LONP2: variants seen among roughly 807,000 people sequenced by gnomAD.
The protein encoded by LONP2 is lon peptidase 2, peroxisomal.
A neutral mutation model predicts 85.6 loss-of-function variants in LONP2; 60 were observed. The observed-to-expected ratio is 0.70, with a 90% confidence interval of 0.57 to 0.87. LONP2 has a LOEUF of 0.87. Among genes scored for constraint, LONP2 ranks in the 40% least tolerant of loss-of-function variants. The pLI, the probability that LONP2 is intolerant of heterozygous loss-of-function variation, is 0.00. For synonymous variants in LONP2, 395 were observed against 389.7 expected (o/e 1.01, Z -0.16); for missense variants, 860 against 1,063.5 (o/e 0.81, Z 2.66).
At chr16:48,251,980 C>T (rs754108508) in intron 1 of LONP2, 151 bp from the exon 2 acceptor site, 1 of 509,698 alleles carries the variant, frequency 2.0e-6, no homozygotes, top group Non-Finnish European at 3.3e-6. Context: ...AGGCCACATA[C>T]TGGATGCTAA....
At chr16:48,295,296 C>T (rs755906138) in intron 8 of LONP2, among the ~76,000 whole-genome samples, 2 of 152,052 alleles carry the variant, frequency 1.3e-5, no homozygotes, top group Admixed American at 1.3e-4. Flanking sequence ...CGCTGGAACC[C>T]GGGAGGCGGA....
chr16:48,335,678 T>C (rs1959624852), intron 12 of LONP2, among the ~76,000 whole-genome samples: 1 of 152,206 alleles, frequency 6.6e-6, no homozygotes, highest in Admixed American at 6.5e-5. Context: ...CCAGTAGATA[T>C]GGTTTTCCTC....
intron 7 of LONP2, among the ~76,000 whole-genome samples, chr16:48,272,951 A>G (rs1315346153): frequency 6.6e-6 from 1 of 152,130 alleles, no homozygotes; most frequent in Non-Finnish European, 1.5e-5. Context: ...GGAGGAGGAG[A>G]GAAAGAACAA....
rs1567337359 is a variant in LONP2 at position 48,314,757 on chromosome 16, T to C, written c.1795+11452T>C. ...TTTAGATATCTTCCTAGGTATTTGA[T>C]CTTTATGTGTATATTATTGTAAATA... On this transcript the variant is annotated intron_variant, in intron 11 of 14. Transcript: ENST00000285737. Among the ~76,000 whole-genome samples the C allele has an allele frequency of 2.0e-5, 3 of 152,360 alleles. No individual in the cohort carries two copies. In the South Asian group the frequency reaches 6.2e-4, roughly 32 times the overall value.
intron 11 of LONP2, among the ~76,000 whole-genome samples, chr16:48,311,994 G>T (rs569796231): frequency 6.6e-6 from 1 of 151,790 alleles, no homozygotes; most frequent in Admixed American, 6.6e-5. Context: ...AGGCTAGAGT[G>T]CAGTGGCACG....
rs934053784 is a variant in LONP2 at position 48,353,880 on chromosome 16, C to G, written c.*2078C>G. 6.6e-6 allele frequency: 1 copy of G among 152,166 alleles called. No homozygotes were observed. The highest frequency in any genetic ancestry group is 1.9e-4 in the East Asian group (1 of 5,168). The allele number at this position is 152,166 out of a possible 1,614,324, so 9.4% of individuals were successfully genotyped here. On this transcript the variant is annotated 3_prime_UTR_variant, in exon 15 of 15. Transcript: ENST00000285737. ...CTTGCACTTTGTAGCAGCAGGAGGG[C>G]ACTTGCTTTAAGCATATCTTTCGAA...
At chr16:48,332,895 G>A (rs1325594798) in intron 11 of LONP2, among the ~76,000 whole-genome samples, 2 of 150,170 alleles carry the variant, frequency 1.3e-5, no homozygotes, top group Non-Finnish European at 3.0e-5. Flanking sequence ...GTGACAGAGC[G>A]AGACTCTGTC....
At chr16:48,279,109 G>A (rs986737435) in intron 8 of LONP2, among the ~76,000 whole-genome samples, 15 of 151,982 alleles carry the variant, frequency 9.9e-5, no homozygotes, top group African/African-American at 3.6e-4. Flanking sequence ...TTACTTCTCT[G>A]ACCACTTGGT....
chr16:48,362,373 G>T lies in LONP2; in HGVS notation c.*510G>T. 2 of 1,614,198 alleles carry T rather than the reference G, an allele frequency of 1.2e-6. No homozygotes were observed. The highest frequency in any genetic ancestry group is 1.7e-6 in the Non-Finnish European group (2 of 1,180,032). On this transcript the variant is annotated 3_prime_UTR_variant, in exon 5 of 5. Transcript: ENST00000565867. This position sits in a 1 kb window ranked among gnomAD's most constrained non-coding sequence, Gnocchi z 4.2. ...GCCAGTCAGGGCAGGCACCCTCTGG[G>T]ATGGTGGACACTTCGAGGTACCGGT...
At chr16:48,316,542 G>T (rs1352089200) in intron 11 of LONP2, among the ~76,000 whole-genome samples, 2 of 151,186 alleles carry the variant, frequency 1.3e-5, no homozygotes. Flanking sequence ...GGCCAGGCTG[G>T]TCTTGAACTC....
intron 1 of LONP2, among the ~76,000 whole-genome samples, chr16:48,246,050 G>A (rs1232285368): frequency 6.6e-6 from 1 of 152,062 alleles, no homozygotes; most frequent in Admixed American, 6.6e-5. Flanking sequence ...TTGTGACTAT[G>A]TACATTTTTT....
At chr16:48,294,013 G>A (rs746389529) in intron 8 of LONP2, among the ~76,000 whole-genome samples, 3 of 152,124 alleles carry the variant, frequency 2.0e-5, no homozygotes, top group South Asian at 2.1e-4. Context: ...CTCAGCCCAC[G>A]GCAACTTCTG....
At chr16:48,311,377 T>G (rs2151007812) in intron 11 of LONP2, among the ~76,000 whole-genome samples, 1 of 151,706 alleles carries the variant, frequency 6.6e-6, no homozygotes. Flanking sequence ...TTTTTTTGTC[T>G]GACTGGATTA....
At chr16:48,248,373 G>A (rs1254426416) in intron 1 of LONP2, among the ~76,000 whole-genome samples, 1 of 149,506 alleles carries the variant, frequency 6.7e-6, no homozygotes, top group African/African-American at 2.5e-5. Flanking sequence ...TGATCCACTT[G>A]CCTCGGCCTC....
At chr16:48,303,054 A>T in intron 10 of LONP2, 118 bp from the exon 11 acceptor site, 1 of 1,061,866 alleles carries the variant, frequency 9.4e-7, no homozygotes, top group African/African-American at 1.6e-5. Flanking sequence ...GTTAGTACTC[A>T]AGAAAGGGTA....
chr16:48,338,151 A>G (rs1345243818), intron 12 of LONP2, among the ~76,000 whole-genome samples: 4 of 152,054 alleles, frequency 2.6e-5, no homozygotes, highest in Non-Finnish European at 5.9e-5. Context: ...CCCTTAGGGT[A>G]AATTACAGTC....
chr16:48,249,932 C>G (rs981186606), intron 1 of LONP2, among the ~76,000 whole-genome samples: 3 of 152,118 alleles, frequency 2.0e-5, no homozygotes, highest in African/African-American at 7.2e-5. Flanking sequence ...TGGCTCACGC[C>G]CGTAATCCTA....
Position 48,270,292 on chromosome 16 carries a change from G to A in LONP2, c.1241+18G>A, listed in dbSNP as rs984562021. The A allele has an allele frequency of 2.2e-5, 35 of 1,610,212 alleles. No individual in the cohort carries two copies. Among genetic ancestry groups the A allele is most frequent in the Non-Finnish European group, 3.0e-5 (35 of 1,177,398 alleles). On this transcript the variant is annotated intron_variant, in intron 7 of 14. Coordinates refer to ENST00000285737, the MANE Select transcript of LONP2 (RefSeq NM_031490.5). ...GGACACAGGTAGAACACTTCTCTCA[G>A]TTTAATCTCTGATTCCTCTTTCTTT...
intron 6 of LONP2, among the ~76,000 whole-genome samples, chr16:48,269,468 G>GA (rs923023057): frequency 4.0e-5 from 6 of 151,812 alleles, no homozygotes; most frequent in African/African-American, 1.5e-4. Flanking sequence ...TATATTAAGT[G>GA]AAAAAAACAT....
Sources: gnomAD v4.1 joint callset for allele counts (sites outside exome capture counted in the v4.1 genomes callset) on GRCh38, gnomAD v4.1.1 for gene constraint, Gnocchi (gnomAD v3.1) non-coding constraint, MANE v1.5 for transcripts, NCBI Gene and HGNC (gene_info 2026-07-23, HGNC 2026-07-21) for gene names.